ATXN7L1: variants seen among roughly 807,000 people sequenced by gnomAD.
The protein encoded by ATXN7L1 is ataxin-7-like protein 1.
In ATXN7L1, 15 loss-of-function variants were observed where a neutral mutation model predicts 70.8. The ratio of observed to expected loss-of-function variants is 0.21; its 90% CI spans 0.14 to 0.33. ATXN7L1 has a LOEUF of 0.33. ATXN7L1 is among the 10% of genes least tolerant of loss of function. The pLI is 1.00. For missense variants in ATXN7L1, 975 were observed against 1,097.1 expected (o/e 0.89, Z 1.57); for synonymous variants, 440 against 445.1 (o/e 0.99, Z 0.14).
intron 3 of ATXN7L1, 54 bp downstream of exon 3, chr7:105,788,550 C>A: frequency 1.4e-6 from 2 of 1,433,866 alleles, no homozygotes; most frequent in South Asian, 2.3e-5. Flanking sequence ...GGGAAGGCGA[C>A]TGTCCCCAGG....
intron 3 of ATXN7L1, among the ~76,000 whole-genome samples, chr7:105,784,685 T>A (rs956596179): frequency 1.3e-5 from 2 of 152,082 alleles, no homozygotes; most frequent in African/African-American, 4.8e-5. Flanking sequence ...AAGCCTCACA[T>A]CAGTCACATC....
At chr7:105,755,286 T>C (rs1799677316) in intron 3 of ATXN7L1, among the ~76,000 whole-genome samples, 1 of 152,126 alleles carries the variant, frequency 6.6e-6, no homozygotes, top group Non-Finnish European at 1.5e-5. Flanking sequence ...ATCACACCAC[T>C]AGGGTAGTCA....
In ATXN7L1 at chr7:105,816,198, G is replaced by C. The variant is rs181722960; in HGVS notation, c.251-27490C>G. Among the ~76,000 whole-genome samples the C allele has an allele frequency of 3.0e-3, 463 of 152,210 alleles. 2 individuals are homozygous for C. Among genetic ancestry groups the C allele is most frequent in the Admixed American group, 7.7e-3 (118 of 15,292 alleles). On this transcript the variant is annotated intron_variant, in intron 2 of 11. Transcript: ENST00000419735. ...CCAATAAATCAGGAACGCAGTCTAA[G>C]CATCTAATTTAGAGGGGTTAATACC...
chr7:105,724,573 CAAAAAAAAAAA>C (rs573733959), intron 3 of ATXN7L1, among the ~76,000 whole-genome samples: 19 of 80,458 alleles, frequency 2.4e-4, no homozygotes, highest in Non-Finnish European at 4.5e-4. Context: ...GACTCTGTCT[CAAAAAAAAAAA>C]AAAAAAAAAA....
chr7:105,819,676 T>C, intron 2 of ATXN7L1: 1 of 946,722 alleles, frequency 1.1e-6, no homozygotes, highest in South Asian at 1.3e-5. Context: ...CGCAAGCAGA[T>C]GAACACCAAC....
intron 3 of ATXN7L1, among the ~76,000 whole-genome samples, chr7:105,739,647 A>G (rs548059517): frequency 6.3e-4 from 96 of 152,330 alleles, no homozygotes; most frequent in African/African-American, 2.2e-3. Context: ...TCAATATCAA[A>G]TGAAGAAAGT....
chr7:105,638,392 G>A lies in ATXN7L1; in HGVS notation c.1163C>T (p.Ser388Phe), dbSNP rs1171125157. Residue 388 changes from serine (S) to phenylalanine (F), a missense_variant, in exon 7 of 12, where the codon TCC (serine) becomes TTC (phenylalanine). Coordinates refer to ENST00000419735, the MANE Select transcript of ATXN7L1 (RefSeq NM_020725.2). ...GTTGGGTGGTCTGGATTTTGCAGGG[G>A]ATGCAACTTTTGGTTCTGGCCCAGA... ...GSSGPEPKVA[S>F]PAKSRPPNSV... 12 of 1,552,172 alleles carry A rather than the reference G, an allele frequency of 7.7e-6. No individual in the cohort carries two copies. Among genetic ancestry groups the A allele is most frequent in the Non-Finnish European group, 1.0e-5 (12 of 1,147,096 alleles).
chr7:105,749,742 C>A (rs542590435), intron 3 of ATXN7L1, among the ~76,000 whole-genome samples: 1 of 112,006 alleles, frequency 8.9e-6, no homozygotes, highest in Non-Finnish European at 2.3e-5. Context: ...CTGGGCAGCA[C>A]CAGATCACTT....
intron 8 of ATXN7L1, among the ~76,000 whole-genome samples, chr7:105,620,833 T>G (rs1794812057): frequency 6.7e-6 from 1 of 149,178 alleles, no homozygotes. Context: ...AGGTGGAGGT[T>G]GCAGTGAGCT....
At chr7:105,809,465 GC>G (rs1808099387) in intron 2 of ATXN7L1, among the ~76,000 whole-genome samples, 1 of 152,116 alleles carries the variant, frequency 6.6e-6, no homozygotes, top group African/African-American at 2.4e-5. Context: ...TCTATGTTCT[GC>G]TTCTACGAGT....
intron 7 of ATXN7L1, among the ~76,000 whole-genome samples, chr7:105,625,419 T>C (rs1795554488): frequency 6.6e-6 from 1 of 152,030 alleles, no homozygotes. Context: ...CCTGGCTAAT[T>C]TTTGTATTTT....
intron 10 of ATXN7L1, 161 bp downstream of exon 10, chr7:105,613,701 G>A (rs966327475): frequency 3.4e-6 from 5 of 1,484,722 alleles, no homozygotes; most frequent in Middle Eastern, 3.5e-4. Flanking sequence ...TACTTGTTCA[G>A]TAAAGTGCTC....
At chr7:105,814,889 T>C (rs1344895429) in intron 2 of ATXN7L1, among the ~76,000 whole-genome samples, 1 of 152,242 alleles carries the variant, frequency 6.6e-6, no homozygotes, top group African/African-American at 2.4e-5. Flanking sequence ...TTTGTATTTA[T>C]TACTTGGTTT....
At chr7:105,617,748 G>A (rs1794124629) in intron 9 of ATXN7L1, 2 of 358,306 alleles carry the variant, frequency 5.6e-6, no homozygotes, top group South Asian at 4.2e-5. Context: ...TACTGACAGT[G>A]CCCAACCTCC....
intron 3 of ATXN7L1, among the ~76,000 whole-genome samples, chr7:105,768,916 T>C (rs945245155): frequency 2.6e-5 from 4 of 152,254 alleles, no homozygotes; most frequent in African/African-American, 9.6e-5. Flanking sequence ...AAAGTAAATT[T>C]GCCTCCTGTA....
At chr7:105,742,296 G>A (rs1798097952) in intron 3 of ATXN7L1, among the ~76,000 whole-genome samples, 1 of 152,184 alleles carries the variant, frequency 6.6e-6, no homozygotes, top group South Asian at 2.1e-4. Context: ...CAGCCTTTTT[G>A]TTGGTGTTCT....
intron 3 of ATXN7L1, among the ~76,000 whole-genome samples, chr7:105,751,461 C>T (rs1408653975): frequency 6.6e-6 from 1 of 151,820 alleles, no homozygotes; most frequent in African/African-American, 2.4e-5. Flanking sequence ...GGGAAACCCC[C>T]GTCTCTACTA....
intron 2 of ATXN7L1, among the ~76,000 whole-genome samples, chr7:105,832,736 C>T (rs1811799740): frequency 6.6e-6 from 1 of 152,214 alleles, no homozygotes; most frequent in Non-Finnish European, 1.5e-5. Flanking sequence ...TGATTTCTCT[C>T]CTCCCCAGAG....
At chr7:105,679,785 A>G (rs369808589) in intron 3 of ATXN7L1, among the ~76,000 whole-genome samples, 109 of 152,224 alleles carry the variant, frequency 7.2e-4, no homozygotes, top group African/African-American at 2.5e-3. Context: ...CTGGGAAAAG[A>G]AGGCGGGGGG....
Sources: allele counts gnomAD v4.1 joint callset (sites outside exome capture counted in the v4.1 genomes callset), GRCh38; gene constraint gnomAD v4.1.1; transcripts MANE v1.5; gene names NCBI Gene and HGNC (gene_info 2026-07-23, HGNC 2026-07-21).